MECOM: variants seen among roughly 807,000 people sequenced by gnomAD.
MECOM encodes the protein MDS1 and EVI1 complex locus.
Under a neutral mutation model 116.3 loss-of-function variants are expected in MECOM, and 13 were observed. The ratio of observed to expected loss-of-function variants is 0.11; its 90% confidence interval spans 0.07 to 0.18. The LOEUF (loss-of-function observed/expected upper bound fraction) is 0.18. MECOM is among the 10% of genes least tolerant of loss of function. The pLI is 1.00. For missense variants in MECOM, 1,299 were observed against 1,509.0 expected (o/e 0.86, Z 2.31); for synonymous variants, 528 against 535.2 (o/e 0.99, Z 0.19).
At chr3:169,549,404 G>GAA (rs34667128) in intron 1 of MECOM, among the ~76,000 whole-genome samples, 1 of 126,328 alleles carries the variant, frequency 7.9e-6, no homozygotes. Flanking sequence ...TGTAAGTAAA[G>GAA]AAAAAAAAAA....
chr3:169,244,440 T>C (rs1755308626), intron 2 of MECOM, among the ~76,000 whole-genome samples: 1 of 152,196 alleles, frequency 6.6e-6, no homozygotes. Flanking sequence ...CCACTGTGCC[T>C]ACCTGTCCCC....
chr3:169,514,533 C>T lies in MECOM; in HGVS notation c.38-133009G>A, dbSNP rs186655320. Reference sequence around the variant, plus strand: ...GGAATCAAGGTGAATGGAGGATCAACTGTGACCACACTGACTACTGAAGCC... The same window carrying T: ...GGAATCAAGGTGAATGGAGGATCAATTGTGACCACACTGACTACTGAAGCC... On this transcript the variant is annotated intron_variant, in intron 1 of 16. Transcript: ENST00000651503. Among the ~76,000 whole-genome samples the T allele has an allele frequency of 6.4e-3, 982 of 152,332 alleles. 3 individuals are homozygous for T. The highest frequency in any genetic ancestry group is 0.01 in the Middle Eastern group (3 of 294).
rs557302760 is a variant in MECOM, at chr3:169,115,446, G to A, written c.2426C>T (p.Pro809Leu). The change falls in exon 8 of 17, where the codon CCT becomes CTT. Residue 809 changes from proline (P) to leucine (L), a missense_variant. Around this residue, in one of 6 missense-constraint regions of MECOM, gnomAD observed 340 missense variants for 312.6 expected, o/e 1.09. Coordinates refer to ENST00000651503, the MANE Select transcript of MECOM (RefSeq NM_004991.4). ...GKKGSNVESRPASDGSLQHAR... is the reference protein window; with the variant it reads ...GKKGSNVESRLASDGSLQHAR... ...ATGCTGCAAGGAACCATCTGAAGCA[G>A]GTCTTGATTCGACGTTGCTTCCTTT... The A allele has an allele frequency of 3.1e-6, 5 of 1,614,212 alleles. No individual in the cohort carries two copies. In the African/African-American group the frequency reaches 5.3e-5, roughly 17 times the overall value.
intron 1 of MECOM, among the ~76,000 whole-genome samples, chr3:169,599,286 C>T (rs556293450): frequency 1.1e-4 from 17 of 152,076 alleles, no homozygotes; most frequent in East Asian, 3.9e-4. Flanking sequence ...AAGGCCGAGG[C>T]GGGCAGATCA....
At chr3:169,552,714 G>A (rs925771819) in intron 1 of MECOM, among the ~76,000 whole-genome samples, 4 of 151,900 alleles carry the variant, frequency 2.6e-5, no homozygotes, top group African/African-American at 7.3e-5. Context: ...AAAGAGTGCT[G>A]GGTGAGTCAC....
chr3:169,539,879 C>A (rs1759863147), intron 1 of MECOM, among the ~76,000 whole-genome samples: 2 of 152,128 alleles, frequency 1.3e-5, no homozygotes, highest in Admixed American at 1.3e-4. Flanking sequence ...AAGTATGCAA[C>A]TATAGCTACA....
At chr3:169,484,990 A>G (rs1412462689) in intron 1 of MECOM, among the ~76,000 whole-genome samples, 1 of 144,704 alleles carries the variant, frequency 6.9e-6, no homozygotes, top group African/African-American at 2.8e-5. Context: ...ACTCTTGCTT[A>G]TTTATTTATT....
In MECOM at chr3:169,333,357, G is replaced by A. The variant is rs188280349; in HGVS notation, c.375+47830C>T. Among the ~76,000 whole-genome samples, 665 of 152,238 alleles carry A rather than the reference G, an allele frequency of 4.4e-3. 5 individuals carry two copies. The highest frequency in any genetic ancestry group is 8.0e-3 in the Non-Finnish European group (547 of 68,004). On this transcript the variant is annotated intron_variant, in intron 2 of 16. Coordinates refer to ENST00000651503, the MANE Select transcript of MECOM (RefSeq NM_004991.4). The stretch of plus-strand genomic sequence containing the variant: ...CAGCGAGAAGGAGAAAATAGCCACT[G>A]TATTTTAGGAATTAAATAAAATATA...
At chr3:169,296,776 A>G (rs1157252506) in intron 2 of MECOM, among the ~76,000 whole-genome samples, 2 of 152,186 alleles carry the variant, frequency 1.3e-5, no homozygotes, top group Non-Finnish European at 2.9e-5. Context: ...CTGACCTACA[A>G]TGCTTCTCAT....
At chr3:169,542,661 T>C (rs1760232655) in intron 1 of MECOM, among the ~76,000 whole-genome samples, 2 of 152,230 alleles carry the variant, frequency 1.3e-5, no homozygotes, top group Non-Finnish European at 2.9e-5. Context: ...ATGGCAACAA[T>C]GTTATGAAAA....
At chr3:169,337,542 G>T (rs911904790) in intron 2 of MECOM, among the ~76,000 whole-genome samples, 4 of 152,088 alleles carry the variant, frequency 2.6e-5, no homozygotes, top group African/African-American at 9.7e-5. Context: ...AAACCCCTAG[G>T]GGGTCATTGT....
At chr3:169,265,445 G>T (rs778808498) in intron 2 of MECOM, among the ~76,000 whole-genome samples, 1 of 152,190 alleles carries the variant, frequency 6.6e-6, no homozygotes, top group African/African-American at 2.4e-5. Context: ...TATGTACTGC[G>T]ATTATTGTCT....
intron 1 of MECOM, among the ~76,000 whole-genome samples, chr3:169,625,766 G>A (rs535947187): frequency 1.3e-5 from 2 of 152,304 alleles, no homozygotes; most frequent in African/African-American, 2.4e-5. Flanking sequence ...ATTAGGCCCA[G>A]TAAAAATATT....
chr3:169,405,429 A>C (rs1429972426), intron 1 of MECOM, among the ~76,000 whole-genome samples: 3 of 152,306 alleles, frequency 2.0e-5, no homozygotes, highest in East Asian at 3.9e-4. Context: ...AAAAAAGAAG[A>C]GTGTAGTACT....
At chr3:169,135,450 C>A (rs570439369) in intron 3 of MECOM, among the ~76,000 whole-genome samples, 1 of 152,054 alleles carries the variant, frequency 6.6e-6, no homozygotes, top group African/African-American at 2.4e-5. Flanking sequence ...GAAGAAAAAA[C>A]TCAATTCTTC....
At chr3:169,485,174 G>A (rs59849128) in intron 1 of MECOM, among the ~76,000 whole-genome samples, 10,701 of 151,910 alleles carry the variant, frequency 0.07, 649 homozygotes, top group East Asian at 0.25. Context: ...TTTGTATTTA[G>A]AGTAGAGACG....
chr3:169,663,479 TC>T lies in MECOM; in HGVS notation c.-108del. On this transcript the variant is annotated 5_prime_UTR_variant, in exon 1 of 17. Coordinates refer to ENST00000651503, the MANE Select transcript of MECOM (RefSeq NM_004991.4). ...GCTCCCTCCCTCTCTCTCCTGTCTCTCTCTCTCTCTCTCTCTCTCTCTCTCT... is the reference window on the plus strand; with the variant it reads ...GCTCCCTCCCTCTCTCTCCTGTCTCTTCTCTCTCTCTCTCTCTCTCTCTCT... 2.6e-5 allele frequency: 1 copy of T among 38,756 alleles called. No individual in the cohort carries two copies. Among genetic ancestry groups the T allele is most frequent in the South Asian group, 2.5e-4 (1 of 4,054 alleles). 2.4% of individuals were successfully genotyped at this position (38,756 alleles called of 1,614,324 possible).
At chr3:169,607,183 C>T (rs1768693968) in intron 1 of MECOM, among the ~76,000 whole-genome samples, 1 of 152,222 alleles carries the variant, frequency 6.6e-6, no homozygotes, top group Non-Finnish European at 1.5e-5. Context: ...CTCCCAAGCG[C>T]CACAGCAGGA....
At chr3:169,325,158 G>A (rs984605900) in intron 2 of MECOM, among the ~76,000 whole-genome samples, 1 of 152,164 alleles carries the variant, frequency 6.6e-6, no homozygotes, top group African/African-American at 2.4e-5. Context: ...GGTGGACACT[G>A]CGGAGCACAC....
Sources: allele counts gnomAD v4.1 joint callset (sites outside exome capture counted in the v4.1 genomes callset), GRCh38; gene constraint gnomAD v4.1.1; regional missense constraint gnomAD v4.1.1; transcripts MANE v1.5; gene names NCBI Gene and HGNC (gene_info 2026-07-23, HGNC 2026-07-21).